Variants in MAGEB2 observed in about 807,000 individuals in gnomAD.
MAGEB2 encodes melanoma-associated antigen B2.
For missense variants in MAGEB2, 365 were observed against 243.2 expected (o/e 1.50, Z -3.33); for synonymous variants, 107 against 96.2 (o/e 1.11, Z -0.66).
chrX:30,219,052 G>C lies in MAGEB2; in HGVS notation c.472G>C (p.Glu158Gln). Reference sequence around the variant, plus strand: ...CCCTGAGATCCTCAAGAAAGCCTCTGAGGGCCTCAGTGTTGTCTTTGGCCT... The same window carrying C: ...CCCTGAGATCCTCAAGAAAGCCTCTCAGGGCCTCAGTGTTGTCTTTGGCCT... ...HFPEILKKAS[E>Q]GLSVVFGLEL... is the part of the protein sequence containing the mutation. The change falls in exon 2 of 2, where the codon GAG (glutamate) becomes CAG (glutamine). Residue 158 changes from glutamate to glutamine, a missense_variant. Glu to Gln is a conservative substitution (Grantham distance 29, BLOSUM62 2). Transcript: ENST00000378988. 1 of 1,211,020 alleles carries C rather than the reference G, an allele frequency of 8.3e-7. No individual in the cohort carries two copies. The highest frequency in any genetic ancestry group is 1.8e-5 in the South Asian group (1 of 56,707).
Position 30,219,758 on chromosome X carries a change from C to A in MAGEB2, c.*218C>A. 1 of 323,788 alleles carries A rather than the reference C, an allele frequency of 3.1e-6. No homozygotes were observed. Among genetic ancestry groups the A allele is most frequent in the Non-Finnish European group, 5.5e-6 (1 of 180,579 alleles). The allele number at this position is 323,788 out of a possible 1,213,427, so 26.7% of individuals were successfully genotyped here. ...GTGTTTCAACAGGTTTATTTAGATT[C>A]AGAATGTAAATTTACAAATGATATA... On this transcript the variant is annotated 3_prime_UTR_variant, in exon 2 of 2. Transcript: ENST00000378988.
At position 30,219,354 on chromosome X, in the gene MAGEB2, G is replaced by T; in HGVS notation, c.774G>T (p.Leu258=). Residue 258 remains leucine, a synonymous_variant, in exon 2 of 2, where the codon CTG becomes CTT. Transcript: ENST00000378988. ...AAGATCTGGTGCAGGAAAAATATCT[G>T]GAGTACAAGCAGGTGCCCAGCAGTG... ...ITKDLVQEKY[L]EYKQVPSSDP... 8.3e-7 allele frequency: 1 copy of T among 1,211,833 alleles called. No individual in the cohort carries two copies. The highest frequency in any genetic ancestry group is 1.1e-6 in the Non-Finnish European group (1 of 895,408).
intron 1 of MAGEB2, among the ~76,000 whole-genome samples, chrX:30,217,549 T>C (rs1430269717): frequency 8.9e-6 from 1 of 112,349 alleles, no homozygotes; most frequent in Admixed American, 9.3e-5. Flanking sequence ...ATCCAAACCA[T>C]ATCAGGGAAG....
chrX:30,216,753 C>T (rs12011566), intron 1 of MAGEB2, among the ~76,000 whole-genome samples: 1,691 of 109,138 alleles, frequency 0.015, 37 homozygotes, highest in African/African-American at 0.053. Flanking sequence ...GGAGCGGTGG[C>T]GGGCGCCTGT....
At chrX:30,217,835 G>A (rs1924442915) in intron 1 of MAGEB2, among the ~76,000 whole-genome samples, 1 of 112,243 alleles carries the variant, frequency 8.9e-6, no homozygotes, top group African/African-American at 3.2e-5. Flanking sequence ...ACCCTTAACA[G>A]TGGAGACATC....
Position 30,218,602 on chromosome X carries a change from A to G in MAGEB2, c.22A>G (p.Lys8Glu). Residue 8 changes from lysine (K) to glutamate (E), a missense_variant, in exon 2 of 2, where the codon AAG (lysine) becomes GAG (glutamate). By Grantham distance (56) the Lys-to-Glu change is moderately conservative (BLOSUM62 1). Transcript: ENST00000378988. ...CATCATGCCTCGTGGTCAGAAGAGT[A>G]AGCTCCGTGCCCGTGAGAAACGCCG... MPRGQKS[K>E]LRAREKRRKA... is the part of the protein sequence containing the mutation. The G allele has an allele frequency of 1.7e-6, 2 of 1,208,702 alleles. No homozygotes were observed. Among genetic ancestry groups the G allele is most frequent in the Non-Finnish European group, 2.2e-6 (2 of 893,906 alleles).
chrX:30,219,369 G>C lies in MAGEB2; in HGVS notation c.789G>C (p.Val263=), dbSNP rs1334653658. The change falls in exon 2 of 2, where the codon GTG becomes GTC. Residue 263 remains valine (V), a synonymous_variant. Transcript: ENST00000378988. Reference sequence around the variant, plus strand: ...AAAAATATCTGGAGTACAAGCAGGTGCCCAGCAGTGATCCCCCACGCTTTC... The same window carrying C: ...AAAAATATCTGGAGTACAAGCAGGTCCCCAGCAGTGATCCCCCACGCTTTC... ...VQEKYLEYKQ[V]PSSDPPRFQF... 3 of 1,210,324 alleles carry C rather than the reference G, an allele frequency of 2.5e-6. No individual in the cohort carries two copies. In the African/African-American group the frequency reaches 5.2e-5, roughly 21 times the overall value.
Position 30,219,206 on chromosome X carries a change from G to A in MAGEB2, c.626G>A (p.Gly209Asp), listed in dbSNP as rs765460965. 4.1e-6 allele frequency: 5 copies of A among 1,210,780 alleles called. No individual in the cohort carries two copies. Among genetic ancestry groups the A allele is most frequent in the Admixed American group, 4.3e-5 (2 of 46,010 alleles). The stretch of plus-strand genomic sequence containing the variant: ...AGAAAGCTTCTGATGCCTCTCCTGG[G>A]TGTGATCTTCTTAAATGGCAACTCA... The part of the protein sequence containing the change: ...PRRKLLMPLL[G>D]VIFLNGNSAT... Residue 209 changes from glycine (G) to aspartate (D), a missense_variant, in exon 2 of 2, where the codon GGT (glycine) becomes GAT (aspartate). Gly to Asp is a moderately conservative substitution (Grantham distance 94, BLOSUM62 -1). Coordinates refer to ENST00000378988, the MANE Select transcript of MAGEB2 (RefSeq NM_002364.5).
intron 1 of MAGEB2, among the ~76,000 whole-genome samples, chrX:30,216,257 T>C (rs188328861): frequency 9.0e-6 from 1 of 110,850 alleles, no homozygotes; most frequent in African/African-American, 3.3e-5. Flanking sequence ...ACTAAAGAAG[T>C]TGAGGGCTAC....
Position 30,218,612 on chromosome X carries a change from C to T in MAGEB2, c.32C>T (p.Ala11Val), listed in dbSNP as rs2147330040. The change falls in exon 2 of 2, where the codon GCC becomes GTC. Residue 11 changes from alanine (A) to valine (V), a missense_variant. Coordinates refer to ENST00000378988, the MANE Select transcript of MAGEB2 (RefSeq NM_002364.5). ...CGTGGTCAGAAGAGTAAGCTCCGTG[C>T]CCGTGAGAAACGCCGCAAGGCCCGA... MPRGQKSKLR[A>V]REKRRKARDE... 20 of 1,210,197 alleles carry T rather than the reference C, an allele frequency of 1.7e-5. No homozygotes were observed. Among genetic ancestry groups the T allele is most frequent in the East Asian group, 5.9e-5 (2 of 33,821 alleles).
In MAGEB2 at chrX:30,218,777, C is replaced by T. The variant is rs1275186370; in HGVS notation, c.197C>T (p.Pro66Leu). 8.4e-7 allele frequency: 1 copy of T among 1,191,102 alleles called. No homozygotes were observed. The highest frequency in any genetic ancestry group is 1.1e-6 in the Non-Finnish European group (1 of 884,581). Residue 66 changes from proline (P) to leucine (L), a missense_variant, in exon 2 of 2, where the codon CCA becomes CTA. Coordinates refer to ENST00000378988, the MANE Select transcript of MAGEB2 (RefSeq NM_002364.5). ...AGIPQEPQRA[P>L]TTAAAAAAGV... The stretch of plus-strand genomic sequence containing the variant: ...ATTCCCCAGGAGCCTCAGAGAGCCC[C>T]AACCACTGCCGCTGCTGCGGCTGCG...
At chrX:30,215,865 C>T (rs918342342) in intron 1 of MAGEB2, among the ~76,000 whole-genome samples, 25 of 111,157 alleles carry the variant, frequency 2.2e-4, no homozygotes, top group Non-Finnish European at 4.5e-4. Flanking sequence ...CCTCATTCTG[C>T]ACGTAGGGTG....
chrX:30,217,950 A>C (rs1358898659), intron 1 of MAGEB2, among the ~76,000 whole-genome samples: 1 of 112,034 alleles, frequency 8.9e-6, no homozygotes, highest in Non-Finnish European at 1.9e-5. Flanking sequence ...AAGAGAGGTG[A>C]GATTCTTAGT....
At position 30,219,421 on chromosome X, in the gene MAGEB2, G is replaced by T; in HGVS notation, c.841G>T (p.Ala281Ser). Residue 281 changes from alanine to serine, a missense_variant, in exon 2 of 2, where the codon GCT becomes TCT. Physicochemically the swap from Ala to Ser is moderately conservative, Grantham distance 99 (BLOSUM62 1). Transcript: ENST00000378988. ...ATTCCTGTGGGGTCCGAGAGCCTAT[G>T]CTGAAACCAGCAAGATGAAAGTCCT... ...FQFLWGPRAY[A>S]ETSKMKVLEF... 2 of 1,211,784 alleles carry T rather than the reference G, an allele frequency of 1.7e-6. No individual in the cohort carries two copies. The highest frequency in any genetic ancestry group is 2.2e-6 in the Non-Finnish European group (2 of 895,327).
chrX:30,216,509 C>G (rs886527210), intron 1 of MAGEB2, among the ~76,000 whole-genome samples: 8 of 111,306 alleles, frequency 7.2e-5, no homozygotes, highest in Non-Finnish European at 3.8e-5. Flanking sequence ...GTTGTCAGAC[C>G]AGGGAGACCT....
chrX:30,216,769 C>T (rs1290283214), intron 1 of MAGEB2, among the ~76,000 whole-genome samples: 2 of 108,554 alleles, frequency 1.8e-5, no homozygotes, highest in Non-Finnish European at 3.8e-5. Context: ...CCTGTAATCC[C>T]AGCTACTCGG....
In MAGEB2 at chrX:30,215,593, A is replaced by C. The variant is rs1351461733; in HGVS notation, c.-68A>C. 9.1e-6 allele frequency: 1 copy of C among 110,434 alleles called. No homozygotes were observed. The highest frequency in any genetic ancestry group is 1.9e-5 in the Non-Finnish European group (1 of 52,782). 9.1% of individuals were successfully genotyped at this position (110,434 alleles called of 1,213,427 possible). A position where few individuals can be genotyped will look rare whatever the true frequency, so the allele number is the denominator to read the frequency against. On this transcript the variant is annotated 5_prime_UTR_variant, in exon 1 of 2. Coordinates refer to ENST00000378988, the MANE Select transcript of MAGEB2 (RefSeq NM_002364.5). ...CGCTTTGGAGGCGAGGACCCGAGCG[A>C]GTGTAGGGGGTGCGGCGTCTGGTCA... is the stretch of plus-strand genomic sequence containing the variant.
chrX:30,218,604 G>T lies in MAGEB2; in HGVS notation c.24G>T (p.Lys8Asn), dbSNP rs767023113. 1 of 1,209,287 alleles carries T rather than the reference G, an allele frequency of 8.3e-7. No homozygotes were observed. Among genetic ancestry groups the T allele is most frequent in the South Asian group, 1.8e-5 (1 of 56,525 alleles). The stretch of plus-strand genomic sequence containing the variant: ...TCATGCCTCGTGGTCAGAAGAGTAA[G>T]CTCCGTGCCCGTGAGAAACGCCGCA... MPRGQKS[K>N]LRAREKRRKA... The change falls in exon 2 of 2, where the codon AAG becomes AAT. Residue 8 changes from lysine to asparagine, a missense_variant. Physicochemically the swap from Lys to Asn is moderately conservative, Grantham distance 94. Coordinates refer to ENST00000378988, the MANE Select transcript of MAGEB2 (RefSeq NM_002364.5).
In MAGEB2 at chrX:30,218,593, C is replaced by G. The variant is rs1041746690; in HGVS notation, c.13C>G (p.Gln5Glu). Reference protein sequence around the residue: MPRGQKSKLRAREKR... With the variant: MPRGEKSKLRAREKR... ...TTACCCAGCCATCATGCCTCGTGGTCAGAAGAGTAAGCTCCGTGCCCGTGA... is the reference window on the plus strand; with the variant it reads ...TTACCCAGCCATCATGCCTCGTGGTGAGAAGAGTAAGCTCCGTGCCCGTGA... The change falls in exon 2 of 2, where the codon CAG becomes GAG. Residue 5 changes from glutamine to glutamate, a missense_variant. Coordinates refer to ENST00000378988, the MANE Select transcript of MAGEB2 (RefSeq NM_002364.5). 1 of 1,205,319 alleles carries G rather than the reference C, an allele frequency of 8.3e-7. No individual in the cohort carries two copies. Among genetic ancestry groups the G allele is most frequent in the African/African-American group, 1.7e-5 (1 of 57,638 alleles).
Sources: allele counts gnomAD v4.1 joint callset (sites outside exome capture counted in the v4.1 genomes callset), GRCh38; gene constraint gnomAD v4.1.1; transcripts MANE v1.5; gene names NCBI Gene and HGNC (gene_info 2026-07-23, HGNC 2026-07-21).